The following ASB7 variants were observed in gnomAD, a reference collection of about 807,000 sequenced individuals.
ASB7 encodes the protein ankyrin repeat and SOCS box protein 7.
ASB7 carries 4 observed loss-of-function variants against 32.5 expected under a neutral mutation model. The ratio of observed to expected loss-of-function variants is 0.12; its 90% CI spans 0.06 to 0.28. ASB7 has a LOEUF of 0.28. ASB7 is among the 10% of genes least tolerant of loss of function. The pLI, the probability that ASB7 is intolerant of heterozygous loss-of-function variation, is 1.00. For missense variants in ASB7, 181 were observed against 407.1 expected (o/e 0.44, Z 4.78); for synonymous variants, 172 against 155.6 (o/e 1.11, Z -0.78).
intron 4 of ASB7, among the ~76,000 whole-genome samples, chr15:100,615,032 G>A (rs964766826): frequency 1.3e-5 from 2 of 152,156 alleles, no homozygotes; most frequent in African/African-American, 4.8e-5. Flanking sequence ...GTACACAAAT[G>A]CCATTGTATT....
In ASB7 at chr15:100,629,915, A is replaced by G. The variant is rs1450302023; in HGVS notation, c.690A>G (p.Ala230=). 1 of 1,614,218 alleles carries G rather than the reference A, an allele frequency of 6.2e-7. No homozygotes were observed. The highest frequency in any genetic ancestry group is 1.7e-5 in the Admixed American group (1 of 60,030). ...CCCTTAGGGATGATGTGCTGTGTGC[A>G]CGGATGTTATATAATTACGGAGCAG... ...LSALRDDVLC[A]RMLYNYGADT... is the part of the protein sequence containing the mutation. Residue 230 remains alanine (A), a synonymous_variant, in exon 5 of 6, where the codon GCA becomes GCG. Coordinates refer to ENST00000332783, the MANE Select transcript of ASB7 (RefSeq NM_198243.3). This position sits in a 1 kb window ranked among gnomAD's most constrained non-coding sequence, Gnocchi z 6.8.
At position 100,629,391 on chromosome 15, in the gene ASB7, T is replaced by C; in HGVS notation, c.212-46T>C. The C allele has an allele frequency of 2.0e-6, 3 of 1,497,502 alleles. No homozygotes were observed. The highest frequency in any genetic ancestry group is 2.7e-6 in the Non-Finnish European group (3 of 1,097,558). 92.8% of individuals were successfully genotyped at this position (1,497,502 alleles called of 1,614,324 possible). A position where few individuals can be genotyped will look rare whatever the true frequency, so the allele number is the denominator to read the frequency against. On this transcript the variant is annotated intron_variant, in intron 4 of 5. Coordinates refer to ENST00000332783, the MANE Select transcript of ASB7 (RefSeq NM_198243.3). This position sits in a 1 kb window ranked among gnomAD's most constrained non-coding sequence, Gnocchi z 6.8. ...GCTGTGCCATGGTAATGTTTGTTGT[T>C]TTGTCTTGGAGTCTGCTAATACTTT...
At chr15:100,638,331 T>A (rs1338944804) in intron 5 of ASB7, 1 of 152,212 alleles carries the variant, frequency 6.6e-6, no homozygotes, top group Non-Finnish European at 1.5e-5. Context: ...CAGAGATCAG[T>A]GATTTCCTGA....
intron 4 of ASB7, among the ~76,000 whole-genome samples, chr15:100,614,161 C>A (rs899593300): frequency 6.6e-6 from 1 of 151,788 alleles, no homozygotes; most frequent in African/African-American, 2.4e-5. Flanking sequence ...ATGATCCCAG[C>A]TACTTGGGAG....
intron 4 of ASB7, among the ~76,000 whole-genome samples, chr15:100,627,147 A>G (rs1277144525): frequency 1.3e-5 from 2 of 152,178 alleles, no homozygotes; most frequent in Admixed American, 6.5e-5. Flanking sequence ...GTTTATATAC[A>G]TTAAATTTTT....
In ASB7 at chr15:100,651,175, T is replaced by C. The variant is rs974388939; in HGVS notation, c.*2713T>C. 8 of 151,178 alleles carry C rather than the reference T, an allele frequency of 5.3e-5. No individual in the cohort carries two copies. Among genetic ancestry groups the C allele is most frequent in the African/African-American group, 1.9e-4 (8 of 41,098 alleles). 9.4% of individuals were successfully genotyped at this position (151,178 alleles called of 1,614,324 possible). The stretch of plus-strand genomic sequence containing the variant: ...GATCATTAATGAACTGCAAACCTCA[T>C]CTTTCGAAAACAAGGTTTTGTGTTT... On this transcript the variant is annotated 3_prime_UTR_variant, in exon 6 of 6. Coordinates refer to ENST00000332783, the MANE Select transcript of ASB7 (RefSeq NM_198243.3).
At chr15:100,647,941 G>A (rs1007499475) in intron 5 of ASB7, among the ~76,000 whole-genome samples, 5 of 152,200 alleles carry the variant, frequency 3.3e-5, no homozygotes, top group Admixed American at 2.0e-4. Context: ...CTCACCCAGC[G>A]TGAGAGAGAC....
At chr15:100,615,604 T>G (rs1367318234) in intron 4 of ASB7, among the ~76,000 whole-genome samples, 1 of 152,238 alleles carries the variant, frequency 6.6e-6, no homozygotes, top group South Asian at 2.1e-4. Flanking sequence ...TTAAAGCTGA[T>G]CAGTGAGGGC....
At chr15:100,630,198 AC>A in intron 5 of ASB7, 156 bp downstream of exon 5, 2 of 1,351,452 alleles carry the variant, frequency 1.5e-6, no homozygotes, top group Non-Finnish European at 1.9e-6. Context: ...TAAAAAAAAA[AC>A]TTTGACTGTA....
intron 5 of ASB7, among the ~76,000 whole-genome samples, chr15:100,635,385 C>T (rs533328279): frequency 2.3e-4 from 35 of 152,140 alleles, no homozygotes; most frequent in Non-Finnish European, 4.7e-4. Context: ...TTTCTTGCCT[C>T]TTAGTATGTT....
chr15:100,616,034 AG>A (rs747916142), intron 4 of ASB7, among the ~76,000 whole-genome samples: 1 of 152,216 alleles, frequency 6.6e-6, no homozygotes, highest in Non-Finnish European at 1.5e-5. Context: ...GATATTGGCA[AG>A]TTGTCCTCCG....
At chr15:100,622,216 A>AAAAGAAAAAAGAAG (rs2039799844) in intron 4 of ASB7, among the ~76,000 whole-genome samples, 1 of 152,016 alleles carries the variant, frequency 6.6e-6, no homozygotes, top group African/African-American at 2.4e-5. Context: ...GAAAAAAGAA[A>AAAAGAAAAAAGAAG]AAAAACCCAA....
rs1432149178 is a variant in ASB7, at chr15:100,638,594, G to A, written c.817+8552G>A. The stretch of plus-strand genomic sequence containing the variant: ...GCCGTGCGCAGTAACATATCAAAGG[G>A]GCCAGGAAGTCCTTGAATAAATACA... On this transcript the variant is annotated intron_variant, in intron 5 of 5. Transcript: ENST00000332783. 6 of 152,136 alleles carry A rather than the reference G, an allele frequency of 3.9e-5. No individual in the cohort carries two copies. In the East Asian group the frequency reaches 1.2e-3, roughly 29 times the overall value. The allele number at this position is 152,136 out of a possible 1,614,324, so 9.4% of individuals were successfully genotyped here.
Position 100,629,336 on chromosome 15 carries a change from C to T in ASB7, c.212-101C>T. ...TATTCATTACAGTGTTTGGTTGCTT[C>T]ACATTTTATATGAGAATTGGCCACA... is the stretch of plus-strand genomic sequence containing the variant. On this transcript the variant is annotated intron_variant, in intron 4 of 5. Transcript: ENST00000332783. This position sits in a 1 kb window ranked among gnomAD's most constrained non-coding sequence, Gnocchi z 6.8. The T allele has an allele frequency of 3.7e-6, 4 of 1,090,094 alleles. No individual in the cohort carries two copies. The South Asian group carries it at 6.1e-5, about 17-fold the overall frequency. 67.5% of individuals were successfully genotyped at this position (1,090,094 alleles called of 1,614,324 possible).
At chr15:100,617,335 A>C (rs1383276761) in intron 4 of ASB7, among the ~76,000 whole-genome samples, 1 of 152,258 alleles carries the variant, frequency 6.6e-6, no homozygotes, top group Non-Finnish European at 1.5e-5. Context: ...AGTGTGATCC[A>C]CATGGTGCTG....
intron 4 of ASB7, among the ~76,000 whole-genome samples, chr15:100,616,759 T>A (rs758039321): frequency 7.2e-5 from 11 of 152,270 alleles, no homozygotes; most frequent in Non-Finnish European, 1.2e-4. Context: ...CAGTGTATTA[T>A]GAACCAACTT....
At chr15:100,625,330 A>C (rs2039828537) in intron 4 of ASB7, among the ~76,000 whole-genome samples, 2 of 152,216 alleles carry the variant, frequency 1.3e-5, no homozygotes, top group South Asian at 4.1e-4. Flanking sequence ...AGACCCTGGC[A>C]AGAAAACTAC....
intron 4 of ASB7, among the ~76,000 whole-genome samples, chr15:100,628,898 C>T (rs906831699): frequency 3.9e-5 from 6 of 152,114 alleles, no homozygotes; most frequent in Non-Finnish European, 4.4e-5. Flanking sequence ...TGACATATAT[C>T]TGAGATGCTT....
chr15:100,603,776 T>A (rs55896541), intron 2 of ASB7, among the ~76,000 whole-genome samples: 52,984 of 152,132 alleles, frequency 0.35, 9,285 homozygotes, highest in South Asian at 0.45. Flanking sequence ...TCTTTTGAGT[T>A]ATCTAACTGA....
Sources: allele counts gnomAD v4.1 joint callset (sites outside exome capture counted in the v4.1 genomes callset), GRCh38; gene constraint gnomAD v4.1.1; non-coding constraint Gnocchi (gnomAD v3.1); transcripts MANE v1.5; gene names NCBI Gene and HGNC (gene_info 2026-07-23, HGNC 2026-07-21).